The following RPS6KC1 variants were observed in gnomAD, a reference collection of about 807,000 sequenced individuals.
RPS6KC1 encodes the protein ribosomal protein S6 kinase C1.
Under a neutral mutation model 103.8 loss-of-function variants are expected in RPS6KC1, and 54 were observed. The ratio of observed to expected loss-of-function variants is 0.52; its 90% CI spans 0.42 to 0.65. RPS6KC1 has a LOEUF of 0.65. RPS6KC1 is among the 30% of genes least tolerant of loss of function. The pLI is 0.00. For missense variants in RPS6KC1, 1,151 were observed against 1,253.8 expected (o/e 0.92, Z 1.24); for synonymous variants, 439 against 438.7 (o/e 1.00, Z -0.01).
At chr1:213,722,377 A>G in the RPS6KC1 span, among the ~76,000 whole-genome samples, 1 of 151,998 alleles carries the variant, frequency 6.6e-6, no homozygotes, top group Non-Finnish European at 1.5e-5. Flanking sequence ...TCCCTCCATT[A>G]TTGGTCCTGA....
chr1:213,124,272 CA>C (rs1197040828), intron 5 of RPS6KC1, among the ~76,000 whole-genome samples: 1 of 152,162 alleles, frequency 6.6e-6, no homozygotes, highest in Admixed American at 6.6e-5. Context: ...GTGAAGGATG[CA>C]CCTTTTACTC....
At chr1:213,304,086 G>A in the RPS6KC1 span, among the ~76,000 whole-genome samples, 1 of 149,268 alleles carries the variant, frequency 6.7e-6, no homozygotes, top group African/African-American at 2.4e-5. Context: ...GGCGCCTGTA[G>A]TCCCAGCTAC....
At chr1:213,130,161 A>T (rs2085445971) in intron 6 of RPS6KC1, among the ~76,000 whole-genome samples, 1 of 152,208 alleles carries the variant, frequency 6.6e-6, no homozygotes, top group African/African-American at 2.4e-5. Flanking sequence ...TCTTGTATGA[A>T]TAATAATCTT....
intron 5 of RPS6KC1, among the ~76,000 whole-genome samples, chr1:213,122,647 A>G (rs903807861): frequency 1.3e-5 from 2 of 152,184 alleles, no homozygotes; most frequent in East Asian, 1.9e-4. Flanking sequence ...ATTAAGTGCA[A>G]ATGTCCACTA....
chr1:213,230,460 T>G, intron 8 of RPS6KC1, 37 bp from the exon 9 acceptor site: 1 of 1,459,970 alleles, frequency 6.8e-7, no homozygotes, highest in East Asian at 2.3e-5. Flanking sequence ...TGTTTCATTG[T>G]ATTGTTAATA....
the RPS6KC1 span, among the ~76,000 whole-genome samples, chr1:213,853,472 A>T: frequency 6.6e-6 from 1 of 152,196 alleles, no homozygotes; most frequent in Admixed American, 6.5e-5. Flanking sequence ...AAAATGCCTC[A>T]CTTATTATCT....
the RPS6KC1 span, among the ~76,000 whole-genome samples, chr1:213,559,284 G>C: frequency 6.6e-6 from 1 of 152,134 alleles, no homozygotes; most frequent in Admixed American, 6.5e-5. Flanking sequence ...CTGCCCAGTG[G>C]GGACCCTTTG....
At chr1:213,290,460 G>T in the RPS6KC1 span, among the ~76,000 whole-genome samples, 1 of 152,184 alleles carries the variant, frequency 6.6e-6, no homozygotes, top group Non-Finnish European at 1.5e-5. Context: ...GATACGGGGT[G>T]CCTGCACGTT....
At chr1:213,464,847 C>T in the RPS6KC1 span, among the ~76,000 whole-genome samples, 1 of 151,878 alleles carries the variant, frequency 6.6e-6, no homozygotes, top group Non-Finnish European at 1.5e-5. Context: ...GAGGGTGCTA[C>T]AGTGGATGGT....
the RPS6KC1 span, among the ~76,000 whole-genome samples, chr1:213,623,399 T>A: frequency 6.6e-6 from 1 of 152,118 alleles, no homozygotes; most frequent in African/African-American, 2.4e-5. Context: ...CAATCAGAAA[T>A]ACCCACTGAG....
chr1:213,341,516 C>A, the RPS6KC1 span, among the ~76,000 whole-genome samples: 1 of 152,152 alleles, frequency 6.6e-6, no homozygotes, highest in Non-Finnish European at 1.5e-5. Flanking sequence ...TGGGTAAAGG[C>A]ATGGAATAGG....
At chr1:213,651,258 T>C in the RPS6KC1 span, among the ~76,000 whole-genome samples, 2 of 152,128 alleles carry the variant, frequency 1.3e-5, no homozygotes, top group Non-Finnish European at 1.5e-5. Context: ...AGACAGGCAG[T>C]CAGCAACTGG....
intron 10 of RPS6KC1, 107 bp from the exon 11 acceptor site, chr1:213,240,595 C>T: frequency 1.1e-6 from 1 of 915,966 alleles, no homozygotes; most frequent in Non-Finnish European, 1.7e-6. Context: ...ATATTATTGA[C>T]TTGTTTTGAT....
the RPS6KC1 span, among the ~76,000 whole-genome samples, chr1:213,575,552 T>C: frequency 6.6e-6 from 1 of 152,216 alleles, no homozygotes; most frequent in African/African-American, 2.4e-5. Context: ...TTAGCACTTC[T>C]CCTTGCTGCT....
chr1:213,860,721 T>C, the RPS6KC1 span, among the ~76,000 whole-genome samples: 1 of 152,070 alleles, frequency 6.6e-6, no homozygotes, highest in East Asian at 1.9e-4. Context: ...CTGAGAACAG[T>C]GGAAGAAAAG....
At chr1:213,258,340 G>T (rs2094701260) in intron 12 of RPS6KC1, among the ~76,000 whole-genome samples, 1 of 152,112 alleles carries the variant, frequency 6.6e-6, no homozygotes, top group Non-Finnish European at 1.5e-5. Context: ...CTGACTTCAG[G>T]TGATCCTTAT....
the RPS6KC1 span, among the ~76,000 whole-genome samples, chr1:213,591,125 G>T: frequency 6.6e-6 from 1 of 152,122 alleles, no homozygotes; most frequent in East Asian, 1.9e-4. Context: ...GCCTTTCTCA[G>T]GTGAGGTCTG....
chr1:213,109,589 G>C (rs1043643753), intron 4 of RPS6KC1, among the ~76,000 whole-genome samples: 1 of 151,898 alleles, frequency 6.6e-6, no homozygotes, highest in African/African-American at 2.4e-5. Context: ...TGCTTTAATG[G>C]TTCATTCATG....
At chr1:213,588,714 G>A in the RPS6KC1 span, among the ~76,000 whole-genome samples, 3 of 152,116 alleles carry the variant, frequency 2.0e-5, no homozygotes, top group South Asian at 2.1e-4. Context: ...CCCACAAAGC[G>A]TCATCCTCCT....
Sources: gnomAD v4.1 joint callset for allele counts (sites outside exome capture counted in the v4.1 genomes callset) on GRCh38, gnomAD v4.1.1 for gene constraint, MANE v1.5 for transcripts, NCBI Gene and HGNC (gene_info 2026-07-23, HGNC 2026-07-21) for gene names.